Variants in CAMKMT observed in about 807,000 individuals in gnomAD.
The protein encoded by CAMKMT is CaM KMT.
Under a neutral mutation model 48.0 loss-of-function variants are expected in CAMKMT, and 53 were observed. The ratio of observed to expected loss-of-function variants is 1.10; its 90% CI spans 0.89 to 1.39. The LOEUF (loss-of-function observed/expected upper bound fraction) is 1.39, where lower values mean the gene tolerates loss of function less well. Among genes scored for constraint, CAMKMT ranks in the 40% most tolerant of loss-of-function variants. The pLI, the probability that CAMKMT is intolerant of heterozygous loss-of-function variation, is 0.00. For missense variants in CAMKMT, 428 were observed against 402.7 expected (o/e 1.06, Z -0.54); for synonymous variants, 165 against 152.3 (o/e 1.08, Z -0.61).
chr2:44,530,886 G>T (rs1476227818), intron 3 of CAMKMT, among the ~76,000 whole-genome samples: 1 of 151,776 alleles, frequency 6.6e-6, no homozygotes, highest in Non-Finnish European at 1.5e-5. Flanking sequence ...TAAATCTAGA[G>T]GTTTAGAAAC....
chr2:44,445,146 G>C (rs1666905375), intron 3 of CAMKMT, among the ~76,000 whole-genome samples: 1 of 152,146 alleles, frequency 6.6e-6, no homozygotes. Context: ...GGAACTCCAA[G>C]GCTACTGACA....
At chr2:44,741,761 G>A (rs1679688338) in intron 7 of CAMKMT, among the ~76,000 whole-genome samples, 1 of 152,290 alleles carries the variant, frequency 6.6e-6, no homozygotes, top group South Asian at 2.1e-4. Flanking sequence ...GCTGCTGTGG[G>A]AATCCATACC....
intron 3 of CAMKMT, among the ~76,000 whole-genome samples, chr2:44,696,945 A>G (rs761651455): frequency 2.0e-5 from 3 of 152,158 alleles, no homozygotes; most frequent in Non-Finnish European, 4.4e-5. Context: ...AAAGAACAAT[A>G]AAAAGGTTAG....
At chr2:44,693,217 C>T (rs185304551) in intron 3 of CAMKMT, among the ~76,000 whole-genome samples, 1 of 152,294 alleles carries the variant, frequency 6.6e-6, no homozygotes, top group African/African-American at 2.4e-5. Flanking sequence ...TTAGAGTAGC[C>T]AGAATTATCT....
chr2:44,767,275 A>G (rs1680883079), intron 10 of CAMKMT, among the ~76,000 whole-genome samples: 1 of 152,210 alleles, frequency 6.6e-6, no homozygotes, highest in Non-Finnish European at 1.5e-5. Flanking sequence ...GTATTATTTC[A>G]GTAATTTTGT....
intron 3 of CAMKMT, among the ~76,000 whole-genome samples, chr2:44,597,263 A>G (rs1244866629): frequency 2.6e-5 from 4 of 152,236 alleles, no homozygotes; most frequent in African/African-American, 9.7e-5. Flanking sequence ...TATATAACTA[A>G]GTTCCGTCCT....
chr2:44,384,843 C>A (rs76955797), intron 2 of CAMKMT, among the ~76,000 whole-genome samples: 15,385 of 151,950 alleles, frequency 0.1, 2,565 homozygotes, highest in African/African-American at 0.35. Flanking sequence ...GGTCTCTGTG[C>A]TTATTTTTAT....
intron 10 of CAMKMT, among the ~76,000 whole-genome samples, chr2:44,767,142 C>T (rs920919642): frequency 1.1e-4 from 16 of 152,222 alleles, no homozygotes; most frequent in Admixed American, 3.9e-4. Context: ...GCAATGTTAT[C>T]AGCCTTTTTA....
intron 9 of CAMKMT, among the ~76,000 whole-genome samples, chr2:44,758,050 C>G (rs1680456709): frequency 6.6e-6 from 1 of 152,204 alleles, no homozygotes; most frequent in South Asian, 2.1e-4. Flanking sequence ...GATTGCCTAC[C>G]TGGATGAAGA....
At chr2:44,641,387 T>C (rs1458191565) in intron 3 of CAMKMT, among the ~76,000 whole-genome samples, 1 of 152,102 alleles carries the variant, frequency 6.6e-6, no homozygotes, top group Admixed American at 6.5e-5. Context: ...ACATCCCTTC[T>C]ATGTATTAGG....
At chr2:44,471,028 T>G (rs1374524715) in intron 3 of CAMKMT, among the ~76,000 whole-genome samples, 1 of 136,290 alleles carries the variant, frequency 7.3e-6, no homozygotes, top group Non-Finnish European at 1.5e-5. Context: ...ACAGTTTCGC[T>G]CTCTCACCCA....
chr2:44,432,109 G>A (rs1458716331), intron 3 of CAMKMT, among the ~76,000 whole-genome samples: 1 of 152,076 alleles, frequency 6.6e-6, no homozygotes, highest in Non-Finnish European at 1.5e-5. Flanking sequence ...AATAACTCTT[G>A]CCCCACATAC....
chr2:44,715,468 G>A (rs1678127412), intron 7 of CAMKMT, 115 bp downstream of exon 7: 3 of 736,200 alleles, frequency 4.1e-6, no homozygotes, highest in Non-Finnish European at 6.9e-6. Flanking sequence ...TGTGTGTCAG[G>A]CACTGTTTTA....
intron 3 of CAMKMT, among the ~76,000 whole-genome samples, chr2:44,406,239 A>T (rs546745943): frequency 7.4e-4 from 112 of 152,090 alleles, no homozygotes; most frequent in Non-Finnish European, 4.9e-4. Flanking sequence ...CATTGCTCCA[A>T]AAGTTCCTAA....
chr2:44,476,960 A>G (rs570956760), intron 3 of CAMKMT, among the ~76,000 whole-genome samples: 1 of 152,202 alleles, frequency 6.6e-6, no homozygotes, highest in Non-Finnish European at 1.5e-5. Context: ...TTACTGAAGT[A>G]ATGAAAGAAA....
intron 3 of CAMKMT, among the ~76,000 whole-genome samples, chr2:44,666,682 G>C (rs1213184202): frequency 6.6e-6 from 1 of 150,906 alleles, no homozygotes; most frequent in Non-Finnish European, 1.5e-5. Flanking sequence ...CACAGTCTCG[G>C]CTCACTGAGC....
chr2:44,675,409 C>T (rs911524456), intron 3 of CAMKMT, among the ~76,000 whole-genome samples: 5 of 152,140 alleles, frequency 3.3e-5, no homozygotes, highest in Admixed American at 1.3e-4. Flanking sequence ...GCTTTTATGA[C>T]TTCCATGACA....
At chr2:44,605,159 T>C (rs1226551772) in intron 3 of CAMKMT, among the ~76,000 whole-genome samples, 1 of 152,156 alleles carries the variant, frequency 6.6e-6, no homozygotes, top group Non-Finnish European at 1.5e-5. Flanking sequence ...AGACAAAAAC[T>C]CTTGAGGATG....
At chr2:44,659,634 C>T (rs560665649) in intron 3 of CAMKMT, among the ~76,000 whole-genome samples, 3 of 151,512 alleles carry the variant, frequency 2.0e-5, no homozygotes, top group Admixed American at 2.0e-4. Context: ...AATAAAGTTC[C>T]ATTCTCTTTA....
Sources: allele counts gnomAD v4.1 joint callset (sites outside exome capture counted in the v4.1 genomes callset), GRCh38; gene constraint gnomAD v4.1.1; transcripts MANE v1.5; gene names NCBI Gene and HGNC (gene_info 2026-07-23, HGNC 2026-07-21).